The following CTSO variants were observed in gnomAD, a reference collection of about 807,000 sequenced individuals.
The protein encoded by CTSO is cathepsin O.
Under a neutral mutation model 42.4 loss-of-function variants are expected in CTSO, and 40 were observed. The observed-to-expected ratio is 0.94, with a 90% CI of 0.73 to 1.23. CTSO has a LOEUF of 1.23. CTSO is among the 50% of genes most tolerant of loss of function. CTSO has a pLI of 0.00. For missense variants in CTSO, 441 were observed against 396.0 expected, an observed-to-expected ratio of 1.11 and a Z score of -0.96; for synonymous variants, 156 against 146.2, an observed-to-expected ratio of 1.07 and a Z score of -0.48.
rs114872420 is a variant in CTSO at position 155,932,253 on chromosome 4, G to A, written c.675-2548C>T. Among the ~76,000 whole-genome samples, 887 of 152,088 alleles carry A rather than the reference G, an allele frequency of 5.8e-3. 9 individuals carry two copies. Among genetic ancestry groups the A allele is most frequent in the African/African-American group, 0.019 (806 of 41,490 alleles). On this transcript the variant is annotated intron_variant, in intron 5 of 7. Coordinates refer to ENST00000433477, the MANE Select transcript of CTSO (RefSeq NM_001334.3). Reference sequence around the variant, plus strand: ...GGTTCTGTACAATGTTTTAAGGAGCGTTTGGCTGAAAACCTAAGACCACAT... The same window carrying A: ...GGTTCTGTACAATGTTTTAAGGAGCATTTGGCTGAAAACCTAAGACCACAT...
intron 1 of CTSO, among the ~76,000 whole-genome samples, chr4:155,948,857 A>C (rs2137780): frequency 0.89 from 135,266 of 151,966 alleles, 61,741 homozygotes; most frequent in East Asian, 1. Flanking sequence ...TAGAAACCCA[A>C]GGAGGGTGAC....
In CTSO at chr4:155,952,914, G is replaced by GT. The variant is rs142547707; in HGVS notation, c.135+798dup. ...CATGAATTTAAAAATGTGTTAAATA[G>GT]TATCAGCTATCTAGAACATAGTGAG... On this transcript the variant is annotated intron_variant, in intron 1 of 7. Transcript: ENST00000433477. Among the ~76,000 whole-genome samples, 478 of 152,182 alleles carry GT rather than the reference G, an allele frequency of 3.1e-3. 3 individuals are homozygous for GT. Among genetic ancestry groups the GT allele is most frequent in the African/African-American group, 0.011 (455 of 41,524 alleles).
chr4:155,940,571 A>G (rs771036763), intron 3 of CTSO, among the ~76,000 whole-genome samples: 3 of 152,188 alleles, frequency 2.0e-5, no homozygotes, highest in Non-Finnish European at 4.4e-5. Flanking sequence ...AGGTGAACAC[A>G]GGGCAGCTCA....
chr4:155,944,183 T>C (rs1322304331), intron 1 of CTSO, among the ~76,000 whole-genome samples: 1 of 152,212 alleles, frequency 6.6e-6, no homozygotes, highest in Non-Finnish European at 1.5e-5. Flanking sequence ...GTGTTTGTTG[T>C]TGAATAAATA....
chr4:155,925,883 A>T lies in CTSO; in HGVS notation c.*153T>A. The T allele has an allele frequency of 1.5e-6, 1 of 679,624 alleles. No individual in the cohort carries two copies. Among genetic ancestry groups the T allele is most frequent in the Admixed American group, 3.5e-5 (1 of 28,556 alleles). The allele number at this position is 679,624 out of a possible 1,614,324, so 42.1% of individuals were successfully genotyped here. On this transcript the variant is annotated 3_prime_UTR_variant, in exon 8 of 8. Transcript: ENST00000433477. ...TTGTCCATCTCTCTACAAGAAGGGAACATTCTGAAACTTAGTTTAAATACT... is the reference window on the plus strand; with the variant it reads ...TTGTCCATCTCTCTACAAGAAGGGATCATTCTGAAACTTAGTTTAAATACT...
intron 1 of CTSO, among the ~76,000 whole-genome samples, chr4:155,945,615 GA>G (rs1291693474): frequency 6.6e-6 from 1 of 152,158 alleles, no homozygotes. Context: ...TATCCTTTGA[GA>G]AAATCAAGAA....
Position 155,953,825 on chromosome 4 carries a change from C to T in CTSO, c.23G>A (p.Trp8Ter), listed in dbSNP as rs1252413661. Reference protein sequence around the residue: MDVRALPWLPWLLWLLCR... With the variant: MDVRALP ...CAGCAGCCACAGCAGCCACGGCAGC[C>T]ACGGCAGCGCCCGCACGTCCATTGC... Residue 8 changes from tryptophan to a stop codon, truncating the protein, a stop_gained, in exon 1 of 8, where the codon TGG (tryptophan) becomes TAG (stop). Transcript: ENST00000433477. LOFTEE classifies it high-confidence loss of function. 1 of 1,314,520 alleles carries T rather than the reference C, an allele frequency of 7.6e-7. No individual in the cohort carries two copies. Among genetic ancestry groups the T allele is most frequent in the South Asian group, 2.2e-5 (1 of 45,384 alleles). The allele number at this position is 1,314,520 out of a possible 1,614,324, so 81.4% of individuals were successfully genotyped here.
chr4:155,938,952 G>A (rs577803781), intron 4 of CTSO, among the ~76,000 whole-genome samples: 1 of 151,948 alleles, frequency 6.6e-6, no homozygotes, highest in African/African-American at 2.4e-5. Flanking sequence ...GTGAGACTCT[G>A]TCTCAAAAAC....
At chr4:155,943,944 T>C (rs1036339604) in intron 1 of CTSO, among the ~76,000 whole-genome samples, 1 of 152,226 alleles carries the variant, frequency 6.6e-6, no homozygotes, top group African/African-American at 2.4e-5. Flanking sequence ...ATAAACATGC[T>C]TCAATTTCGT....
chr4:155,931,966 G>C (rs999428985), intron 5 of CTSO, among the ~76,000 whole-genome samples: 12 of 151,946 alleles, frequency 7.9e-5, no homozygotes, highest in Non-Finnish European at 1.2e-4. Context: ...GCTTCATAAT[G>C]TGGATTTTCA....
intron 5 of CTSO, among the ~76,000 whole-genome samples, chr4:155,932,277 A>G (rs1743250079): frequency 6.6e-6 from 1 of 152,152 alleles, no homozygotes; most frequent in African/African-American, 2.4e-5. Flanking sequence ...CTAAGACCAC[A>G]TGACGTTACC....
chr4:155,937,503 G>A lies in CTSO; in HGVS notation c.553-20C>T. On this transcript the variant is annotated intron_variant, in intron 4 of 7. Transcript: ENST00000433477. ...TTGCATCTAAAAGAAAACAATCACTGAACATGTTTACTGTCAATTGTTTTA... is the reference window on the plus strand; with the variant it reads ...TTGCATCTAAAAGAAAACAATCACTAAACATGTTTACTGTCAATTGTTTTA... The A allele has an allele frequency of 1.2e-6, 2 of 1,608,970 alleles. No homozygotes were observed. The highest frequency in any genetic ancestry group is 1.7e-6 in the Non-Finnish European group (2 of 1,176,292).
rs1543108 is a variant in CTSO, at chr4:155,926,078, A to G, written c.932-8T>C. On this transcript the variant is annotated splice_polypyrimidine_tract_variant and splice_region_variant and intron_variant, in intron 7 of 7. Coordinates refer to ENST00000433477, the MANE Select transcript of CTSO (RefSeq NM_001334.3). ...AAACGGAATCTGCAATACCTAAGGGAAAAAAAAGGAATTATTAGTCTATTT... is the reference window on the plus strand; with the variant it reads ...AAACGGAATCTGCAATACCTAAGGGGAAAAAAAGGAATTATTAGTCTATTT... 0.86 allele frequency: 1,314,353 copies of G among 1,534,472 alleles called. 571,858 individuals are homozygous for G. Among genetic ancestry groups the G allele is most frequent in the East Asian group, 0.9 (38,970 of 43,502 alleles).
intron 3 of CTSO, 23 bp downstream of exon 3, chr4:155,942,294 A>T: frequency 6.5e-7 from 1 of 1,540,294 alleles, no homozygotes; most frequent in African/African-American, 1.4e-5. Flanking sequence ...GATGATTAGA[A>T]AAGAAGAGGG....
At chr4:155,947,715 T>C (rs1161019699) in intron 1 of CTSO, among the ~76,000 whole-genome samples, 1 of 152,228 alleles carries the variant, frequency 6.6e-6, no homozygotes, top group Non-Finnish European at 1.5e-5. Context: ...AAAGATTTCA[T>C]AGACGCATCA....
intron 6 of CTSO, among the ~76,000 whole-genome samples, chr4:155,929,323 G>C (rs893215158): frequency 6.6e-6 from 1 of 152,162 alleles, no homozygotes; most frequent in Non-Finnish European, 1.5e-5. Context: ...CTATATTTCT[G>C]TGTGTGTGTC....
intron 5 of CTSO, among the ~76,000 whole-genome samples, chr4:155,936,241 G>C (rs1053926022): frequency 3.3e-5 from 5 of 152,034 alleles, no homozygotes; most frequent in Non-Finnish European, 5.9e-5. Context: ...AATTAAGGCT[G>C]TCTGGTGTAT....
At chr4:155,945,260 A>T (rs978811991) in intron 1 of CTSO, among the ~76,000 whole-genome samples, 16 of 152,090 alleles carry the variant, frequency 1.1e-4, no homozygotes, top group Admixed American at 7.9e-4. Context: ...CCAACTCAAA[A>T]AAATAAATAA....
chr4:155,941,555 A>G (rs1351982333), intron 3 of CTSO, among the ~76,000 whole-genome samples: 1 of 152,214 alleles, frequency 6.6e-6, no homozygotes, highest in Non-Finnish European at 1.5e-5. Context: ...CAGTACTTAC[A>G]TATTTCTTAA....
Sources: gnomAD v4.1 joint callset for allele counts (sites outside exome capture counted in the v4.1 genomes callset) on GRCh38, gnomAD v4.1.1 for gene constraint, MANE v1.5 for transcripts, NCBI Gene and HGNC (gene_info 2026-07-23, HGNC 2026-07-21) for gene names.